ARHGAP15: variants seen among roughly 807,000 people sequenced by gnomAD.
The protein encoded by ARHGAP15 is rho GTPase-activating protein 15.
ARHGAP15 carries 51 observed loss-of-function variants against 63.7 expected under a neutral mutation model. The observed-to-expected ratio is 0.80, with a 90% CI of 0.64 to 1.01. The LOEUF is 1.01. Among genes scored for constraint, ARHGAP15 ranks in the 50% least tolerant of loss-of-function variants. The probability of loss-of-function intolerance (pLI) is 0.00; values close to 1 mark genes in which losing one functional copy is unlikely to be tolerated. For synonymous variants in ARHGAP15, 191 were observed against 193.8 expected (o/e 0.99, Z 0.12); for missense variants, 560 against 564.6 (o/e 0.99, Z 0.08).
chr2:143,340,651 G>C (rs1037210941), intron 6 of ARHGAP15, among the ~76,000 whole-genome samples: 3 of 151,692 alleles, frequency 2.0e-5, no homozygotes, highest in African/African-American at 7.3e-5. Context: ...GAAAACTCAG[G>C]GTGTCATTAA....
chr2:143,361,444 G>T (rs964500386), intron 6 of ARHGAP15, among the ~76,000 whole-genome samples: 1 of 152,158 alleles, frequency 6.6e-6, no homozygotes, highest in Non-Finnish European at 1.5e-5. Flanking sequence ...ACGTATTAAA[G>T]AATTGGAATT....
intron 2 of ARHGAP15, among the ~76,000 whole-genome samples, chr2:143,190,155 T>C (rs1691623562): frequency 6.6e-6 from 1 of 152,244 alleles, no homozygotes; most frequent in Admixed American, 6.5e-5. Flanking sequence ...AATAAATATT[T>C]CCTTAATTAT....
chr2:143,703,517 C>T lies in ARHGAP15; in HGVS notation c.1237C>T (p.Leu413=). The change falls in exon 13 of 14, where the codon CTA becomes TTA. Residue 413 remains leucine (L), a synonymous_variant. Transcript: ENST00000295095. ...RDTMKVLFGH[L]TKIVAKASKN... Reference sequence around the variant, plus strand: ...CACCATGAAAGTCCTCTTTGGACATCTAACTAAGTAAGTTGTAAGGATTTC... The same window carrying T: ...CACCATGAAAGTCCTCTTTGGACATTTAACTAAGTAAGTTGTAAGGATTTC... The T allele has an allele frequency of 6.2e-7, 1 of 1,605,002 alleles. No homozygotes were observed. Among genetic ancestry groups the T allele is most frequent in the African/African-American group, 1.3e-5 (1 of 74,526 alleles).
intron 13 of ARHGAP15, among the ~76,000 whole-genome samples, chr2:143,761,722 A>G (rs1382206639): frequency 6.6e-6 from 1 of 152,122 alleles, no homozygotes; most frequent in Non-Finnish European, 1.5e-5. Flanking sequence ...GGCTTTTTTG[A>G]GAGGATTTCT....
In ARHGAP15 at chr2:143,710,467, G is replaced by A. The variant is rs77318976; in HGVS notation, c.1244+6943G>A. Among the ~76,000 whole-genome samples the A allele has an allele frequency of 8.1e-3, 1,230 of 152,320 alleles. 17 individuals are homozygous for A. The highest frequency in any genetic ancestry group is 0.029 in the African/African-American group (1,185 of 41,570). On this transcript the variant is annotated intron_variant, in intron 13 of 13. Transcript: ENST00000295095. ...GGGATTTATAAGGTTTGTGAGCTGA[G>A]GACTAAGGTTCAGTGATCCTTCCAG...
intron 8 of ARHGAP15, among the ~76,000 whole-genome samples, chr2:143,483,186 GTATTGAAGACAA>G (rs1692154669): frequency 6.6e-6 from 1 of 152,158 alleles, no homozygotes. Context: ...CCAGATGGTG[GTATTGAAGACAA>G]TATGATATAC....
At chr2:143,754,883 AAC>A (rs1686514713) in intron 13 of ARHGAP15, among the ~76,000 whole-genome samples, 1 of 152,204 alleles carries the variant, frequency 6.6e-6, no homozygotes, top group African/African-American at 2.4e-5. Context: ...GAAACTCAAA[AAC>A]ACAGTCCTTT....
intron 2 of ARHGAP15, among the ~76,000 whole-genome samples, chr2:143,168,882 GA>G (rs1319303507): frequency 1.3e-5 from 2 of 151,934 alleles, no homozygotes; most frequent in Non-Finnish European, 2.9e-5. Flanking sequence ...CATCCATTAA[GA>G]AATGAAACAA....
At chr2:143,161,639 C>G (rs1690302003) in intron 2 of ARHGAP15, among the ~76,000 whole-genome samples, 1 of 151,844 alleles carries the variant, frequency 6.6e-6, no homozygotes, top group Non-Finnish European at 1.5e-5. Flanking sequence ...GAGAATGCCT[C>G]TAACATGGAA....
chr2:143,187,481 A>G (rs1691497958), intron 2 of ARHGAP15, among the ~76,000 whole-genome samples: 1 of 152,194 alleles, frequency 6.6e-6, no homozygotes, highest in Non-Finnish European at 1.5e-5. Flanking sequence ...ATCATTGAGC[A>G]CTTATTTCAC....
At chr2:143,175,844 AAAAG>A (rs538206609) in intron 2 of ARHGAP15, among the ~76,000 whole-genome samples, 66 of 152,286 alleles carry the variant, frequency 4.3e-4, no homozygotes, top group African/African-American at 1.5e-3. Context: ...TTTCAATGGA[AAAAG>A]AAAGAGTCAA....
intron 6 of ARHGAP15, chr2:143,305,389 G>T (rs1242655684): frequency 6.6e-6 from 1 of 151,982 alleles, no homozygotes; most frequent in Non-Finnish European, 1.5e-5. Context: ...GAGTTGATGG[G>T]TGCAGCAAAC....
chr2:143,733,894 T>C (rs1685643750), intron 13 of ARHGAP15, among the ~76,000 whole-genome samples: 1 of 152,180 alleles, frequency 6.6e-6, no homozygotes, highest in South Asian at 2.1e-4. Context: ...TCTACAAAAT[T>C]TTCTTAAAAA....
intron 8 of ARHGAP15, among the ~76,000 whole-genome samples, chr2:143,461,428 ACT>A (rs562401499): frequency 2.0e-5 from 3 of 152,120 alleles, no homozygotes; most frequent in Non-Finnish European, 4.4e-5. Context: ...TGATGTAGAA[ACT>A]CTGTTTCCTT....
chr2:143,647,910 C>T (rs1337461223), intron 12 of ARHGAP15, among the ~76,000 whole-genome samples: 1 of 152,010 alleles, frequency 6.6e-6, no homozygotes, highest in Non-Finnish European at 1.5e-5. Context: ...TTTTCACAGA[C>T]ATGCCCTCTT....
intron 11 of ARHGAP15, among the ~76,000 whole-genome samples, chr2:143,581,567 A>G (rs371131430): frequency 7.2e-5 from 11 of 152,276 alleles, no homozygotes; most frequent in African/African-American, 2.4e-4. Flanking sequence ...GTACTGTATA[A>G]TCATTTACCT....
intron 6 of ARHGAP15, among the ~76,000 whole-genome samples, chr2:143,403,964 C>T (rs1249552977): frequency 6.6e-6 from 1 of 151,540 alleles, no homozygotes; most frequent in Non-Finnish European, 1.5e-5. Flanking sequence ...AGCCACATTA[C>T]TCAAGACATA....
At chr2:143,416,253 T>A (rs1469649917) in intron 6 of ARHGAP15, among the ~76,000 whole-genome samples, 1 of 151,266 alleles carries the variant, frequency 6.6e-6, no homozygotes, top group Non-Finnish European at 1.5e-5. Flanking sequence ...AAATAATTTT[T>A]AAAAAAACAA....
chr2:143,287,695 C>T (rs1025686058), intron 6 of ARHGAP15, among the ~76,000 whole-genome samples: 3 of 151,824 alleles, frequency 2.0e-5, no homozygotes, highest in African/African-American at 7.3e-5. Flanking sequence ...AATAGCTACT[C>T]GGGAGGGTGA....
Sources: gnomAD v4.1 joint callset for allele counts (sites outside exome capture counted in the v4.1 genomes callset) on GRCh38, gnomAD v4.1.1 for gene constraint, MANE v1.5 for transcripts, NCBI Gene and HGNC (gene_info 2026-07-23, HGNC 2026-07-21) for gene names.